Variants in TOP1 observed in about 807,000 individuals in gnomAD.
TOP1 encodes the protein DNA topoisomerase I.
A neutral mutation model predicts 111.1 loss-of-function variants in TOP1; 10 were observed. That is an observed-to-expected ratio of 0.09 (90% CI 0.06 to 0.15). The LOEUF (loss-of-function observed/expected upper bound fraction) is 0.15, where lower values mean the gene tolerates loss of function less well. Ranked by LOEUF, TOP1 falls within the 10% of genes least tolerant of loss-of-function variation. The pLI, the probability that TOP1 is intolerant of heterozygous loss-of-function variation, is 1.00. For synonymous variants in TOP1, 271 were observed against 302.9 expected, an observed-to-expected ratio of 0.89 and a Z score of 1.10; for missense variants, 474 against 926.7, an observed-to-expected ratio of 0.51 and a Z score of 6.34.
chr20:41,117,408 G>C (rs1052356379), intron 17 of TOP1, among the ~76,000 whole-genome samples: 1 of 80,296 alleles, frequency 1.2e-5, no homozygotes, highest in African/African-American at 5.7e-5. Flanking sequence ...TTTTTTTTGA[G>C]ACGGAGTCTT....
At chr20:41,111,957 A>G (rs1469480613) in intron 13 of TOP1, among the ~76,000 whole-genome samples, 2 of 152,018 alleles carry the variant, frequency 1.3e-5, no homozygotes, top group Non-Finnish European at 2.9e-5. Flanking sequence ...CTTCTTCACT[A>G]TTGTTTAGAT....
chr20:41,047,018 C>G (rs966141947), intron 2 of TOP1, among the ~76,000 whole-genome samples: 2 of 152,178 alleles, frequency 1.3e-5, no homozygotes, highest in Non-Finnish European at 2.9e-5. Flanking sequence ...AACAAGTTAG[C>G]AGAAAGCTGA....
At chr20:41,035,621 T>C (rs1489033945) in intron 2 of TOP1, among the ~76,000 whole-genome samples, 1 of 152,172 alleles carries the variant, frequency 6.6e-6, no homozygotes. Flanking sequence ...CAGCTTGTGG[T>C]CCCATTATTC....
intron 3 of TOP1, chr20:41,073,303 T>C: frequency 1.0e-6 from 1 of 984,636 alleles, no homozygotes; most frequent in Non-Finnish European, 1.2e-6. Context: ...AAGGTGGAAC[T>C]TAAAGGAAGA....
At chr20:41,042,725 C>T (rs79359506) in intron 2 of TOP1, among the ~76,000 whole-genome samples, 3,148 of 152,214 alleles carry the variant, frequency 0.021, 102 homozygotes, top group African/African-American at 0.071. Context: ...TTTGACTCCT[C>T]GAAAACTTAA....
intron 3 of TOP1, chr20:41,072,509 C>G: frequency 1.0e-6 from 1 of 985,410 alleles, no homozygotes; most frequent in Non-Finnish European, 1.2e-6. Flanking sequence ...CTGGCCAAAT[C>G]CTGTTTCTGA....
Position 41,092,710 on chromosome 20 carries a change from C to A in TOP1, c.730+123C>A. The A allele has an allele frequency of 1.8e-6, 1 of 559,290 alleles. No individual in the cohort carries two copies. Among genetic ancestry groups the A allele is most frequent in the Non-Finnish European group, 3.1e-6 (1 of 319,458 alleles). 34.6% of individuals were successfully genotyped at this position (559,290 alleles called of 1,614,324 possible). On this transcript the variant is annotated intron_variant, in intron 9 of 20. Coordinates refer to ENST00000361337, the MANE Select transcript of TOP1 (RefSeq NM_003286.4). This position sits in a 1 kb window ranked among gnomAD's most constrained non-coding sequence, Gnocchi z 4.3. ...CTTTTTATTTCATTTTGTTTTATTG[C>A]CATGCAATTTTGAGGAAGGGGCATC...
In TOP1 at chr20:41,118,905, G is replaced by A. The variant is rs530430624; in HGVS notation, c.1950+609G>A. On this transcript the variant is annotated intron_variant, in intron 18 of 20. Transcript: ENST00000361337. The surrounding 1 kb of genome is among the most constrained non-coding windows in gnomAD (Gnocchi z 4.6). ...GAGCCTCTTTCCTCCTCCTAACTCC[G>A]CCTGGTACTGAGCTTTTAAACCATA... Among the ~76,000 whole-genome samples the A allele has an allele frequency of 2.0e-5, 3 of 152,178 alleles. No homozygotes were observed. Among genetic ancestry groups the A allele is most frequent in the East Asian group, 3.9e-4 (2 of 5,186 alleles).
intron 9 of TOP1, among the ~76,000 whole-genome samples, chr20:41,093,585 C>T (rs1424501429): frequency 1.3e-5 from 2 of 152,130 alleles, no homozygotes; most frequent in Admixed American, 6.5e-5. Flanking sequence ...TTTTTCCCAC[C>T]CTCAGCCCCC....
chr20:41,084,386 T>A lies in TOP1; in HGVS notation c.508-76T>A, dbSNP rs1055150448. 6.7e-5 allele frequency: 55 copies of A among 819,246 alleles called. 1 individual carries two copies. The African/African-American group carries it at 9.2e-4, about 14-fold the overall frequency. The allele number at this position is 819,246 out of a possible 1,614,324, so 50.7% of individuals were successfully genotyped here. ...ACTCTATGATTACAATTTTTCTTCC[T>A]CATGGCTCCCAAAAACTGCCTCCAG... On this transcript the variant is annotated intron_variant, in intron 7 of 20. Transcript: ENST00000361337.
Position 41,032,342 on chromosome 20 carries a change from ACT to A in TOP1, c.58+2890_58+2891del, listed in dbSNP as rs907651444. Among the ~76,000 whole-genome samples, 1 of 151,822 alleles carries A rather than the reference ACT, an allele frequency of 6.6e-6. No homozygotes were observed. Among genetic ancestry groups the A allele is most frequent in the South Asian group, 2.1e-4 (1 of 4,820 alleles). ...CTGACCCATACTCAACTGCTGGGAG[ACT>A]CTGTTATTTATATTTAAAATGTTGA... On this transcript the variant is annotated intron_variant, in intron 2 of 20. Transcript: ENST00000361337. The surrounding 1 kb of genome is among the most constrained non-coding windows in gnomAD (Gnocchi z 4.3).
In TOP1 at chr20:41,092,737, G is replaced by A; in HGVS notation, c.730+150G>A. On this transcript the variant is annotated intron_variant, in intron 9 of 20. Transcript: ENST00000361337. This position sits in a 1 kb window ranked among gnomAD's most constrained non-coding sequence, Gnocchi z 4.3. ...ATGCAATTTTGAGGAAGGGGCATCA[G>A]GTGTTAACTCTTAAAGGCTCATTTG... The A allele has an allele frequency of 1.9e-6, 1 of 539,738 alleles. No homozygotes were observed. The highest frequency in any genetic ancestry group is 3.3e-6 in the Non-Finnish European group (1 of 306,028). The allele number at this position is 539,738 out of a possible 1,614,324, so 33.4% of individuals were successfully genotyped here. A position where few individuals can be genotyped will look rare whatever the true frequency, so the allele number is the denominator to read the frequency against.
rs1432915965 is a variant in TOP1, at chr20:41,071,247, C to A, written c.156-4924C>A. On this transcript the variant is annotated intron_variant, in intron 3 of 20. Coordinates refer to ENST00000361337, the MANE Select transcript of TOP1 (RefSeq NM_003286.4). This position sits in a 1 kb window ranked among gnomAD's most constrained non-coding sequence, Gnocchi z 4.3. ...GTGCCTTAGAGAAACTCTGGTCACC[C>A]TTTTCTGTGGTCTGCTTAGCTCCAA... 6.6e-6 allele frequency among the ~76,000 whole-genome samples: 1 copy of A among 152,106 alleles called. No individual in the cohort carries two copies. Among genetic ancestry groups the A allele is most frequent in the African/African-American group, 2.4e-5 (1 of 41,402 alleles).
At chr20:41,090,168 T>G (rs909180696) in intron 8 of TOP1, among the ~76,000 whole-genome samples, 1 of 152,166 alleles carries the variant, frequency 6.6e-6, no homozygotes, top group Non-Finnish European at 1.5e-5. Flanking sequence ...AGATACAGAG[T>G]TTTGCCATGT....
chr20:41,044,489 T>C (rs1013340181), intron 2 of TOP1, among the ~76,000 whole-genome samples: 8 of 152,188 alleles, frequency 5.3e-5, no homozygotes, highest in Admixed American at 5.2e-4. Flanking sequence ...ATAACTTCAG[T>C]TGAAATGTTT....
intron 13 of TOP1, among the ~76,000 whole-genome samples, chr20:41,105,948 A>T (rs974795847): frequency 6.6e-6 from 1 of 151,996 alleles, no homozygotes; most frequent in Non-Finnish European, 1.5e-5. Flanking sequence ...ACTTCAGTTT[A>T]CATCATTACT....
In TOP1 at chr20:41,067,027, T is replaced by C. The variant is rs1466911931; in HGVS notation, c.155+5537T>C. On this transcript the variant is annotated intron_variant, in intron 3 of 20. Transcript: ENST00000361337. The surrounding 1 kb of genome is among the most constrained non-coding windows in gnomAD (Gnocchi z 4.0). ...AACAGTTTAATCAGATGATCTGTTGTAAGCAAACTTTTAAGTACTTCTTGT... is the reference window on the plus strand; with the variant it reads ...AACAGTTTAATCAGATGATCTGTTGCAAGCAAACTTTTAAGTACTTCTTGT... Among the ~76,000 whole-genome samples the C allele has an allele frequency of 6.6e-6, 1 of 152,226 alleles. No homozygotes were observed. Among genetic ancestry groups the C allele is most frequent in the Non-Finnish European group, 1.5e-5 (1 of 68,038 alleles).
At position 41,114,264 on chromosome 20, in the gene TOP1, T is replaced by C. The variant is rs996834517; in HGVS notation, c.1638+109T>C. On this transcript the variant is annotated intron_variant, in intron 15 of 20. Transcript: ENST00000361337. This position sits in a 1 kb window ranked among gnomAD's most constrained non-coding sequence, Gnocchi z 4.5. ...TTTGCTGGGCACCAGCAAAAGTGAC[T>C]TGAGACAGGCAACATGGCACATGCC... The C allele has an allele frequency of 5.3e-6, 5 of 951,344 alleles. No individual in the cohort carries two copies. Among genetic ancestry groups the C allele is most frequent in the Non-Finnish European group, 8.1e-6 (5 of 620,098 alleles). The allele number at this position is 951,344 out of a possible 1,614,324, so 58.9% of individuals were successfully genotyped here.
In TOP1 at chr20:41,124,056, A is replaced by G. The variant is rs951177030; in HGVS notation, c.*759A>G. 20 of 233,066 alleles carry G rather than the reference A, an allele frequency of 8.6e-5. No individual in the cohort carries two copies. Among genetic ancestry groups the G allele is most frequent in the African/African-American group, 3.5e-4 (16 of 45,430 alleles). The allele number at this position is 233,066 out of a possible 1,614,324, so 14.4% of individuals were successfully genotyped here. ...GGCGAGTGAATCTAAGGATAATGAA[A>G]TAATCAGTGACTGAAACCATTTTCC... is the stretch of plus-strand genomic sequence containing the variant. On this transcript the variant is annotated 3_prime_UTR_variant, in exon 21 of 21. Transcript: ENST00000361337. The surrounding 1 kb of genome is among the most constrained non-coding windows in gnomAD (Gnocchi z 5.4).
Sources: allele counts gnomAD v4.1 joint callset (sites outside exome capture counted in the v4.1 genomes callset), GRCh38; gene constraint gnomAD v4.1.1; non-coding constraint Gnocchi (gnomAD v3.1); transcripts MANE v1.5; gene names NCBI Gene and HGNC (gene_info 2026-07-23, HGNC 2026-07-21).